TMEM131: variants seen among roughly 807,000 people sequenced by gnomAD.
The protein encoded by TMEM131 is 2610524E03Rik.
A neutral mutation model predicts 211.6 loss-of-function variants in TMEM131; 66 were observed. The ratio of observed to expected loss-of-function variants is 0.31; its 90% confidence interval spans 0.26 to 0.38. The LOEUF (loss-of-function observed/expected upper bound fraction) is 0.38. Among genes scored for constraint, TMEM131 ranks in the 10% least tolerant of loss-of-function variants. TMEM131 has a pLI of 1.00. For missense variants in TMEM131, 2,036 were observed against 2,299.3 expected (o/e 0.89, Z 2.34); for synonymous variants, 844 against 841.3 (o/e 1.00, Z -0.06).
chr2:97,800,760 A>G (rs75414453), intron 25 of TMEM131, among the ~76,000 whole-genome samples: 1 of 147,306 alleles, frequency 6.8e-6, no homozygotes, highest in Non-Finnish European at 1.5e-5. Context: ...GTCTCAGAAG[A>G]AAAAAAAAAA....
At chr2:97,853,310 T>A (rs1258075494) in intron 5 of TMEM131, among the ~76,000 whole-genome samples, 2 of 151,968 alleles carry the variant, frequency 1.3e-5, no homozygotes, top group Admixed American at 6.6e-5. Flanking sequence ...TAAGAACATT[T>A]GCAGCTGGGC....
chr2:97,943,073 G>GA (rs1414628663), intron 1 of TMEM131, among the ~76,000 whole-genome samples: 2 of 141,354 alleles, frequency 1.4e-5, no homozygotes, highest in Admixed American at 1.4e-4. Flanking sequence ...AAGAAAGAAA[G>GA]AAAGAAAGAA....
At position 97,766,507 on chromosome 2, in the gene TMEM131, G is replaced by C; in HGVS notation, c.4544C>G (p.Ser1515Cys). The change falls in exon 34 of 41, where the codon TCC becomes TGC. Residue 1515 changes from serine (S) to cysteine (C), a missense_variant. Physicochemically the swap from Ser to Cys is moderately radical, Grantham distance 112. This residue lies in a region of TMEM131 where 1,623 missense variants were observed against 1,805.9 expected (regional missense o/e 0.90). Coordinates refer to ENST00000186436, the MANE Select transcript of TMEM131 (RefSeq NM_015348.2). Reference sequence around the variant, plus strand: ...TGTTTTCTGGGCATTTCGTGATTTGGATCCACTTGTCATTGCAGTTGGAAG... The same window carrying C: ...TGTTTTCTGGGCATTTCGTGATTTGCATCCACTTGTCATTGCAGTTGGAAG... The part of the protein sequence containing the change: ...IPLPTAMTSG[S>C]KSRNAQKTKG... 1 of 1,613,960 alleles carries C rather than the reference G, an allele frequency of 6.2e-7. No individual in the cohort carries two copies. Among genetic ancestry groups the C allele is most frequent in the East Asian group, 2.2e-5 (1 of 44,876 alleles).
intron 32 of TMEM131, among the ~76,000 whole-genome samples, chr2:97,774,989 T>A (rs961502648): frequency 1.3e-5 from 2 of 152,210 alleles, no homozygotes; most frequent in African/African-American, 4.8e-5. Context: ...TGAATGACAC[T>A]GCTGGAAATC....
intron 33 of TMEM131, among the ~76,000 whole-genome samples, chr2:97,767,779 G>A (rs1042819522): frequency 6.6e-6 from 1 of 152,162 alleles, no homozygotes; most frequent in Non-Finnish European, 1.5e-5. Flanking sequence ...ATACTACTCA[G>A]GACTCCCGGC....
intron 11 of TMEM131, among the ~76,000 whole-genome samples, chr2:97,823,955 G>A (rs1252898531): frequency 2.0e-5 from 3 of 152,102 alleles, no homozygotes; most frequent in African/African-American, 7.2e-5. Context: ...GGCAACCTCG[G>A]TGTTCTATAA....
At chr2:97,918,599 A>G (rs1477600546) in intron 2 of TMEM131, among the ~76,000 whole-genome samples, 1 of 152,166 alleles carries the variant, frequency 6.6e-6, no homozygotes, top group African/African-American at 2.4e-5. Context: ...TTTCATTAAC[A>G]ACAACAACAA....
chr2:97,768,331 C>T (rs1679287549), intron 33 of TMEM131, among the ~76,000 whole-genome samples: 1 of 152,166 alleles, frequency 6.6e-6, no homozygotes, highest in African/African-American at 2.4e-5. Context: ...AAAAAAACCC[C>T]AAAGGCTCCC....
intron 3 of TMEM131, among the ~76,000 whole-genome samples, chr2:97,898,468 T>A (rs1389550462): frequency 2.0e-5 from 3 of 152,092 alleles, no homozygotes; most frequent in Non-Finnish European, 1.5e-5. Flanking sequence ...GTTATAATGG[T>A]GGGGGCCCTA....
chr2:97,913,047 T>C (rs987386458), intron 2 of TMEM131: 2 of 152,212 alleles, frequency 1.3e-5, no homozygotes, highest in Non-Finnish European at 2.9e-5. Flanking sequence ...TCCAGAAGCA[T>C]TTCTCTGTGT....
intron 4 of TMEM131, among the ~76,000 whole-genome samples, chr2:97,885,157 C>T (rs1334500584): frequency 6.6e-6 from 1 of 152,126 alleles, no homozygotes; most frequent in Non-Finnish European, 1.5e-5. Context: ...CTTGTAAGGC[C>T]AGTCTAGCAG....
At chr2:97,808,279 G>A (rs1681401623) in intron 19 of TMEM131, among the ~76,000 whole-genome samples, 1 of 152,066 alleles carries the variant, frequency 6.6e-6, no homozygotes, top group Admixed American at 6.5e-5. Flanking sequence ...TCAGATTTTT[G>A]GGTTAGGGAT....
intron 1 of TMEM131, among the ~76,000 whole-genome samples, chr2:97,963,417 A>T (rs1284323182): frequency 1.3e-5 from 2 of 152,178 alleles, no homozygotes; most frequent in African/African-American, 4.8e-5. Flanking sequence ...CAGCTTTAAG[A>T]ATTTTTGAGA....
At chr2:97,988,117 G>T (rs1307739567) in intron 1 of TMEM131, among the ~76,000 whole-genome samples, 1 of 151,674 alleles carries the variant, frequency 6.6e-6, no homozygotes, top group Admixed American at 6.6e-5. Flanking sequence ...GACACACAGA[G>T]CAGTTAAACA....
intron 31 of TMEM131, among the ~76,000 whole-genome samples, chr2:97,786,290 T>A (rs13020776): frequency 0.33 from 50,416 of 151,818 alleles, 9,183 homozygotes; most frequent in Non-Finnish European, 0.39. Flanking sequence ...CTCACACTTG[T>A]AATCCCAGCA....
At chr2:97,937,474 G>A (rs928615655) in intron 1 of TMEM131, among the ~76,000 whole-genome samples, 1 of 152,138 alleles carries the variant, frequency 6.6e-6, no homozygotes, top group African/African-American at 2.4e-5. Context: ...AAAAAGGCAT[G>A]AAGAATATTT....
chr2:97,971,826 C>T (rs1679308538), intron 1 of TMEM131, among the ~76,000 whole-genome samples: 1 of 151,640 alleles, frequency 6.6e-6, no homozygotes, highest in South Asian at 2.1e-4. Flanking sequence ...CACACCACTA[C>T]ATTCCAGCCT....
intron 1 of TMEM131, among the ~76,000 whole-genome samples, chr2:97,968,170 C>G (rs1330668735): frequency 6.6e-6 from 1 of 152,072 alleles, no homozygotes; most frequent in Non-Finnish European, 1.5e-5. Flanking sequence ...CTTTCTACAC[C>G]CAGCCTAAGA....
chr2:97,898,195 G>C (rs62156481), intron 3 of TMEM131, among the ~76,000 whole-genome samples: 1 of 151,336 alleles, frequency 6.6e-6, no homozygotes, highest in Non-Finnish European at 1.5e-5. Flanking sequence ...TCTATTTAAA[G>C]CTGATGCTCT....
Sources: gnomAD v4.1 joint callset for allele counts (sites outside exome capture counted in the v4.1 genomes callset) on GRCh38, gnomAD v4.1.1 for gene constraint, gnomAD v4.1.1 regional missense constraint, MANE v1.5 for transcripts, NCBI Gene and HGNC (gene_info 2026-07-23, HGNC 2026-07-21) for gene names.